Variants in DUSP16 observed in about 807,000 individuals in gnomAD.
The protein encoded by DUSP16 is dual specificity protein phosphatase 16.
DUSP16 carries 21 observed loss-of-function variants against 58.3 expected under a neutral mutation model. The ratio of observed to expected loss-of-function variants is 0.36; its 90% CI spans 0.26 to 0.52. DUSP16 has a LOEUF of 0.52. Among genes scored for constraint, DUSP16 ranks in the 20% least tolerant of loss-of-function variants. DUSP16 has a pLI of 0.94. For missense variants in DUSP16, 726 were observed against 819.0 expected (o/e 0.89, Z 1.39); for synonymous variants, 320 against 323.8 (o/e 0.99, Z 0.12).
At position 12,519,993 on chromosome 12, in the gene DUSP16, A is replaced by G. The variant is rs770080795; in HGVS notation, c.236T>C (p.Ile79Thr). 3.1e-6 allele frequency: 5 copies of G among 1,613,990 alleles called. No individual in the cohort carries two copies. The highest frequency in any genetic ancestry group is 1.1e-5 in the South Asian group (1 of 91,086). The change falls in exon 3 of 7, where the codon ATT (isoleucine) becomes ACT (threonine). Residue 79 changes from isoleucine to threonine, a missense_variant. Transcript: ENST00000298573. Reference protein sequence around the residue: ...IQHSAKHKVDIDCSQKVVVYD... With the variant: ...IQHSAKHKVDTDCSQKVVVYD... ...AACTACAACCTTCTGACTGCAATCA[A>G]TGTCAACCTGAAATGCAAACATGAG... is the stretch of plus-strand genomic sequence containing the variant.
At chr12:12,524,607 T>C (rs1169612464) in intron 1 of DUSP16, among the ~76,000 whole-genome samples, 2 of 152,246 alleles carry the variant, frequency 1.3e-5, no homozygotes, top group Non-Finnish European at 2.9e-5. Flanking sequence ...ATATTTTGCT[T>C]GCAACATCAC....
Position 12,520,865 on chromosome 12 carries a change from G to A in DUSP16, c.228+6C>T, listed in dbSNP as rs747218172. 1.2e-5 allele frequency: 20 copies of A among 1,613,880 alleles called. No individual in the cohort carries two copies. Among genetic ancestry groups the A allele is most frequent in the South Asian group, 6.6e-5 (6 of 91,072 alleles). ...ATTTTGAAAAGGCAAAAAGGAAAGC[G>A]TTTACCTTATGTTTCGCTGAATGCT... On this transcript the variant is annotated splice_donor_region_variant and intron_variant, in intron 2 of 6. Coordinates refer to ENST00000298573, the MANE Select transcript of DUSP16 (RefSeq NM_030640.3).
At chr12:12,555,367 T>C (rs1483658775) in intron 1 of DUSP16, among the ~76,000 whole-genome samples, 1 of 152,226 alleles carries the variant, frequency 6.6e-6, no homozygotes, top group African/African-American at 2.4e-5. Context: ...GCTAGAGATA[T>C]AATGGAACGG....
At chr12:12,481,739 A>G (rs1160667089) in intron 5 of DUSP16, among the ~76,000 whole-genome samples, 2 of 131,598 alleles carry the variant, frequency 1.5e-5, no homozygotes, top group African/African-American at 6.0e-5. Context: ...GCAACACTCA[A>G]ACAAAGAATT....
At chr12:12,555,617 C>T (rs181349589) in intron 1 of DUSP16, among the ~76,000 whole-genome samples, 6 of 152,188 alleles carry the variant, frequency 3.9e-5, no homozygotes, top group Non-Finnish European at 7.4e-5. Context: ...GCAATTTGCC[C>T]CACCCCAACA....
chr12:12,477,323 A>G lies in DUSP16; in HGVS notation c.1508T>C (p.Leu503Pro), dbSNP rs772676186. 1 of 1,614,222 alleles carries G rather than the reference A, an allele frequency of 6.2e-7. No individual in the cohort carries two copies. Among genetic ancestry groups the G allele is most frequent in the Non-Finnish European group, 8.5e-7 (1 of 1,180,018 alleles). ...GTCCTCCACGCTCCCACTTCGATGC[A>G]GTGGAGATAAAAGGGACCTCTGGGC... ...GTAQRSLLSP[L>P]HRSGSVEDNY... The change falls in exon 7 of 7, where the codon CTG becomes CCG. Residue 503 changes from leucine to proline, a missense_variant. By Grantham distance (98) the Leu-to-Pro change is moderately conservative. Transcript: ENST00000298573. The surrounding 1 kb of genome is among the most constrained non-coding windows in gnomAD (Gnocchi z 4.1).
chr12:12,535,176 C>A (rs544899139), intron 1 of DUSP16, among the ~76,000 whole-genome samples: 4 of 152,234 alleles, frequency 2.6e-5, no homozygotes, highest in Non-Finnish European at 2.9e-5. Flanking sequence ...CTCAGCCCTG[C>A]CCATCCTCCT....
At chr12:12,509,496 A>C (rs966887894) in intron 3 of DUSP16, among the ~76,000 whole-genome samples, 1 of 151,754 alleles carries the variant, frequency 6.6e-6, no homozygotes, top group Admixed American at 6.6e-5. Context: ...AAAAAAAAAA[A>C]CAAACTTCCT....
chr12:12,516,996 G>C (rs1160043971), intron 3 of DUSP16, among the ~76,000 whole-genome samples: 2 of 152,106 alleles, frequency 1.3e-5, no homozygotes, highest in African/African-American at 2.4e-5. Flanking sequence ...ATGTAAGTAG[G>C]TCCTCCAGGT....
intron 1 of DUSP16, among the ~76,000 whole-genome samples, chr12:12,552,549 T>C (rs1944744481): frequency 6.6e-6 from 1 of 152,222 alleles, no homozygotes; most frequent in Non-Finnish European, 1.5e-5. Flanking sequence ...CCCACCCTTC[T>C]TCAACTATGT....
At chr12:12,528,935 G>A (rs1008125596) in intron 1 of DUSP16, among the ~76,000 whole-genome samples, 4 of 152,162 alleles carry the variant, frequency 2.6e-5, no homozygotes, top group Non-Finnish European at 2.9e-5. Context: ...AGAGTGGTAA[G>A]AGACTGAGCT....
chr12:12,499,867 G>A (rs1030824562), intron 4 of DUSP16, among the ~76,000 whole-genome samples: 7 of 151,990 alleles, frequency 4.6e-5, no homozygotes, highest in African/African-American at 1.7e-4. Flanking sequence ...TGTTCTGCTT[G>A]TACCATCATA....
chr12:12,524,879 G>A (rs969110086), intron 1 of DUSP16, among the ~76,000 whole-genome samples: 4 of 151,936 alleles, frequency 2.6e-5, no homozygotes, highest in African/African-American at 4.8e-5. Flanking sequence ...CATCAATAAA[G>A]GTGTTTAAAA....
At chr12:12,527,701 T>C (rs1385704612) in intron 1 of DUSP16, among the ~76,000 whole-genome samples, 2 of 152,222 alleles carry the variant, frequency 1.3e-5, no homozygotes, top group East Asian at 3.8e-4. Flanking sequence ...TCTGATCATA[T>C]TTCCTTACCC....
intron 1 of DUSP16, among the ~76,000 whole-genome samples, chr12:12,547,710 T>C (rs928044121): frequency 6.6e-6 from 1 of 151,896 alleles, no homozygotes; most frequent in Non-Finnish European, 1.5e-5. Flanking sequence ...GGAAAATAAG[T>C]AAGATCAAAA....
intron 4 of DUSP16, among the ~76,000 whole-genome samples, chr12:12,496,723 C>T (rs921713911): frequency 1.3e-5 from 2 of 152,194 alleles, no homozygotes; most frequent in Non-Finnish European, 2.9e-5. Flanking sequence ...GATTCTTTCT[C>T]AAATCCCACT....
rs867387091 is a variant in DUSP16 at position 12,477,099 on chromosome 12, T to C, written c.1732A>G (p.Ser578Gly). Residue 578 changes from serine to glycine, a missense_variant, in exon 7 of 7, where the codon AGT becomes GGT. Coordinates refer to ENST00000298573, the MANE Select transcript of DUSP16 (RefSeq NM_030640.3). This position sits in a 1 kb window ranked among gnomAD's most constrained non-coding sequence, Gnocchi z 4.1. ...TGGCTGCAGCTGTAGGCAGAGTAACTGGCACTGCCTCCGTAGATGGCTGAG... is the reference window on the plus strand; with the variant it reads ...TGGCTGCAGCTGTAGGCAGAGTAACCGGCACTGCCTCCGTAGATGGCTGAG... Reference protein sequence around the residue: ...SASAIYGGSASYSAYSCSQLP... With the variant: ...SASAIYGGSAGYSAYSCSQLP... The C allele has an allele frequency of 1.9e-6, 3 of 1,614,240 alleles. No homozygotes were observed. Among genetic ancestry groups the C allele is most frequent in the Middle Eastern group, 3.3e-4 (2 of 6,062 alleles).
At chr12:12,499,715 C>T (rs1360397057) in intron 4 of DUSP16, among the ~76,000 whole-genome samples, 2 of 152,198 alleles carry the variant, frequency 1.3e-5, no homozygotes, top group Non-Finnish European at 2.9e-5. Context: ...GAATTAAGAT[C>T]TCTGACTGCT....
intron 1 of DUSP16, chr12:12,561,050 A>G (rs964730897): frequency 2.0e-5 from 3 of 151,896 alleles, no homozygotes; most frequent in Non-Finnish European, 4.4e-5. Context: ...TTGAAAGAGC[A>G]GAGTATTTAC....
Sources: allele counts gnomAD v4.1 joint callset (sites outside exome capture counted in the v4.1 genomes callset), GRCh38; gene constraint gnomAD v4.1.1; non-coding constraint Gnocchi (gnomAD v3.1); transcripts MANE v1.5; gene names NCBI Gene and HGNC (gene_info 2026-07-23, HGNC 2026-07-21).